ACAD9: variants seen among roughly 807,000 people sequenced by gnomAD.
ACAD9 encodes complex I assembly factor ACAD9, mitochondrial.
Under a neutral mutation model 70.2 loss-of-function variants are expected in ACAD9, and 53 were observed. The observed-to-expected ratio is 0.75, with a 90% CI of 0.61 to 0.95. The LOEUF (loss-of-function observed/expected upper bound fraction) is 0.95, where lower values mean the gene tolerates loss of function less well. Among genes scored for constraint, ACAD9 ranks in the 40% least tolerant of loss-of-function variants. ACAD9 has a pLI of 0.00. For synonymous variants in ACAD9, 313 were observed against 312.1 expected, an observed-to-expected ratio of 1.00 and a Z score of -0.03; for missense variants, 777 against 802.8, an observed-to-expected ratio of 0.97 and a Z score of 0.39.
In ACAD9 at chr3:128,910,196, C is replaced by T. The variant is rs1418280335; in HGVS notation, c.1692+47C>T. The T allele has an allele frequency of 2.5e-6, 4 of 1,612,920 alleles. No individual in the cohort carries two copies. In the African/African-American group the frequency reaches 5.3e-5, roughly 22 times the overall value. On this transcript the variant is annotated intron_variant, in intron 16 of 17. Transcript: ENST00000308982. The stretch of plus-strand genomic sequence containing the variant: ...ACAGGGCCTGGCTGCTGCCATCTGT[C>T]CTGCTGCACTTTAATGAAGTTGATT...
In ACAD9 at chr3:128,912,881, T is replaced by C. The variant is rs1294368361; in HGVS notation, c.*274T>C. On this transcript the variant is annotated 3_prime_UTR_variant, in exon 18 of 18. Transcript: ENST00000308982. ...CTGGAACTGGCGGGTATTCTGGTCA[T>C]TGAGGAGACACCATAGTGGAAACTG... The C allele has an allele frequency of 4.9e-6, 3 of 606,384 alleles. No homozygotes were observed. Among genetic ancestry groups the C allele is most frequent in the Admixed American group, 1.9e-5 (1 of 53,926 alleles). 37.6% of individuals were successfully genotyped at this position (606,384 alleles called of 1,614,324 possible). A position where few individuals can be genotyped will look rare whatever the true frequency, so the allele number is the denominator to read the frequency against.
chr3:128,906,343 C>G, intron 12 of ACAD9, 94 bp downstream of exon 12: 1 of 1,580,260 alleles, frequency 6.3e-7, no homozygotes, highest in Non-Finnish European at 8.6e-7. Flanking sequence ...CCCCCGCAGC[C>G]CAGGGCTGGG....
chr3:128,904,137 C>CT lies in ACAD9; in HGVS notation c.1029+5_1029+6insT. 1 of 1,613,912 alleles carries CT rather than the reference C, an allele frequency of 6.2e-7. No homozygotes were observed. Reference sequence around the variant, plus strand: ...AGTGAATTTGGATTGATTCAGGTACCAATGGTTGAGTACTGTATTTGTGCA... The same window carrying CT: ...AGTGAATTTGGATTGATTCAGGTACCTAATGGTTGAGTACTGTATTTGTGCA... On this transcript the variant is annotated splice_donor_region_variant and intron_variant, in intron 10 of 17. Coordinates refer to ENST00000308982, the MANE Select transcript of ACAD9 (RefSeq NM_014049.5).
chr3:128,911,270 C>G (rs1323188709), intron 17 of ACAD9, among the ~76,000 whole-genome samples: 1 of 152,106 alleles, frequency 6.6e-6, no homozygotes, highest in East Asian at 1.9e-4. Flanking sequence ...GTTAGCCAGG[C>G]TGGTCTCCAA....
At chr3:128,906,950 C>G (rs769317825) in intron 12 of ACAD9, among the ~76,000 whole-genome samples, 6 of 152,172 alleles carry the variant, frequency 3.9e-5, no homozygotes, top group Non-Finnish European at 7.3e-5. Flanking sequence ...GGGAAATGCC[C>G]CCAGGGGCTC....
Position 128,897,897 on chromosome 3 carries a change from C to T in ACAD9, c.633+187C>T, listed in dbSNP as rs376151020. 4.1e-4 allele frequency among the ~76,000 whole-genome samples: 63 copies of T among 152,156 alleles called. 1 individual carries two copies. Among genetic ancestry groups the T allele is most frequent in the African/African-American group, 1.5e-3 (61 of 41,496 alleles). ...TTATTTGCGATGGAGTCTCTGTCAC[C>T]CAGGCTGGAGTGCAGTGGTGTAATC... On this transcript the variant is annotated intron_variant, in intron 6 of 17. Transcript: ENST00000308982.
At chr3:128,906,321 GCCTC>G in intron 12 of ACAD9, 72 bp downstream of exon 12, 1 of 1,595,042 alleles carries the variant, frequency 6.3e-7, no homozygotes, top group Non-Finnish European at 8.5e-7. Context: ...GCTGCTCAGG[GCCTC>G]GCAGAGGCCC....
At chr3:128,894,235 A>G (rs1371914374) in intron 3 of ACAD9, among the ~76,000 whole-genome samples, 3 of 152,196 alleles carry the variant, frequency 2.0e-5, no homozygotes, top group Non-Finnish European at 4.4e-5. Flanking sequence ...GCATCTGACA[A>G]TCCACAGGAC....
intron 17 of ACAD9, among the ~76,000 whole-genome samples, chr3:128,911,651 A>C (rs2107669404): frequency 6.6e-6 from 1 of 151,858 alleles, no homozygotes; most frequent in African/African-American, 2.4e-5. Flanking sequence ...CATGTTGGCC[A>C]AGCTGGTCTC....
chr3:128,908,043 G>T (rs769495050), intron 12 of ACAD9, 142 bp from the exon 13 acceptor site: 2 of 816,314 alleles, frequency 2.5e-6, no homozygotes, highest in Non-Finnish European at 4.2e-6. Flanking sequence ...CCTGGCCAGA[G>T]CCCTGCTCCC....
rs533568395 is a variant in ACAD9, at chr3:128,894,685, G to A, written c.347-625G>A. On this transcript the variant is annotated intron_variant, in intron 3 of 17. Transcript: ENST00000308982. ...CAAGTAGCTGGGACTACAGGCGTGC[G>A]CCGCCATGCCTGGTGAATTTTTTTT... 6.5e-4 allele frequency among the ~76,000 whole-genome samples: 98 copies of A among 151,696 alleles called. 1 individual carries two copies. In the South Asian group the frequency reaches 0.015, roughly 24 times the overall value.
At chr3:128,887,644 A>AATAAATATATATATATATATAT (rs1436892805) in intron 2 of ACAD9, among the ~76,000 whole-genome samples, 15 of 133,092 alleles carry the variant, frequency 1.1e-4, no homozygotes, top group African/African-American at 4.0e-4. Context: ...AAAATAAATA[A>AATAAATATATATATATATATAT]ATATATATAT....
Position 128,904,113 on chromosome 3 carries a change from G to A in ACAD9, c.1010G>A (p.Ser337Asn). 6.2e-7 allele frequency: 1 copy of A among 1,614,224 alleles called. No homozygotes were observed. Among genetic ancestry groups the A allele is most frequent in the South Asian group, 1.1e-5 (1 of 91,090 alleles). ...AGGAAACAGTTTAACAAGAGGCTCA[G>A]TGAATTTGGATTGATTCAGGTACCA... is the stretch of plus-strand genomic sequence containing the variant. ...CTRKQFNKRL[S>N]EFGLIQEKFA... is the part of the protein sequence containing the mutation. The change falls in exon 10 of 18, where the codon AGT (serine) becomes AAT (asparagine). Residue 337 changes from serine (S) to asparagine (N), a missense_variant. Ser to Asn is a conservative substitution (Grantham distance 46, BLOSUM62 1). Coordinates refer to ENST00000308982, the MANE Select transcript of ACAD9 (RefSeq NM_014049.5).
chr3:128,881,140 G>A (rs1935080356), intron 1 of ACAD9, among the ~76,000 whole-genome samples: 1 of 152,198 alleles, frequency 6.6e-6, no homozygotes, highest in Admixed American at 6.5e-5. Flanking sequence ...CAGACTAAAA[G>A]CAGTTTGCCC....
At chr3:128,883,816 T>C (rs1478113086) in intron 1 of ACAD9, among the ~76,000 whole-genome samples, 1 of 151,986 alleles carries the variant, frequency 6.6e-6, no homozygotes, top group Non-Finnish European at 1.5e-5. Flanking sequence ...ATTGATAGAG[T>C]AGAGAAATCT....
At chr3:128,895,939 G>A (rs1024379586) in intron 4 of ACAD9, among the ~76,000 whole-genome samples, 5 of 152,210 alleles carry the variant, frequency 3.3e-5, no homozygotes, top group African/African-American at 1.2e-4. Flanking sequence ...ACACATTCAT[G>A]CAGATGTTTA....
chr3:128,902,699 G>A lies in ACAD9; in HGVS notation c.958+71G>A, dbSNP rs932902632. The A allele has an allele frequency of 3.3e-6, 5 of 1,535,356 alleles. No homozygotes were observed. The Admixed American group carries it at 7.2e-5, about 22-fold the overall frequency. On this transcript the variant is annotated intron_variant, in intron 9 of 17. Coordinates refer to ENST00000308982, the MANE Select transcript of ACAD9 (RefSeq NM_014049.5). This position sits in a 1 kb window ranked among gnomAD's most constrained non-coding sequence, Gnocchi z 4.0. ...CCCCGGCTCCAACCCTGGAGGCTCT[G>A]CCATTCCCCCGGCCCCTTCCAGGCC...
At chr3:128,910,890 C>T in intron 17 of ACAD9, 77 bp downstream of exon 17, 1 of 1,529,416 alleles carries the variant, frequency 6.5e-7, no homozygotes, top group Non-Finnish European at 9.1e-7. Flanking sequence ...TTTCTGGACC[C>T]TGTCAAGCTC....
At chr3:128,910,357 C>G (rs1260485004) in intron 16 of ACAD9, 1 of 1,465,180 alleles carries the variant, frequency 6.8e-7, no homozygotes, top group Non-Finnish European at 9.0e-7. Flanking sequence ...GGGTGAGTGA[C>G]AGGGGTTCCT....
Sources: gnomAD v4.1 joint callset for allele counts (sites outside exome capture counted in the v4.1 genomes callset) on GRCh38, gnomAD v4.1.1 for gene constraint, Gnocchi (gnomAD v3.1) non-coding constraint, MANE v1.5 for transcripts, NCBI Gene and HGNC (gene_info 2026-07-23, HGNC 2026-07-21) for gene names.